SRBD1: variants seen among roughly 807,000 people sequenced by gnomAD.
SRBD1 encodes the protein S1 RNA binding domain 1, also known as S1 RNA-binding domain-containing protein 1.
Under a neutral mutation model 115.3 loss-of-function variants are expected in SRBD1, and 88 were observed. That is an observed-to-expected ratio of 0.76 (90% CI 0.64 to 0.91). The LOEUF (loss-of-function observed/expected upper bound fraction) is 0.91, where lower values mean the gene tolerates loss of function less well. Among genes scored for constraint, SRBD1 ranks in the 40% least tolerant of loss-of-function variants. The pLI is 0.00. For synonymous variants in SRBD1, 509 were observed against 407.7 expected (o/e 1.25, Z -2.99); for missense variants, 1,385 against 1,177.4 (o/e 1.18, Z -2.58).
At chr2:45,571,183 G>C (rs571505356) in intron 9 of SRBD1, among the ~76,000 whole-genome samples, 2 of 152,168 alleles carry the variant, frequency 1.3e-5, no homozygotes, top group South Asian at 4.1e-4. Context: ...GCCTCACTAA[G>C]TGTTGAAGGA....
chr2:45,560,437 A>T (rs373990786), intron 10 of SRBD1, among the ~76,000 whole-genome samples: 77 of 152,348 alleles, frequency 5.1e-4, no homozygotes, highest in African/African-American at 1.7e-3. Flanking sequence ...CAATAATCCC[A>T]CTACTTTGTA....
At chr2:45,489,279 C>T (rs1670220632) in intron 14 of SRBD1, among the ~76,000 whole-genome samples, 1 of 152,164 alleles carries the variant, frequency 6.6e-6, no homozygotes, top group Non-Finnish European at 1.5e-5. Flanking sequence ...TTTTAATTCA[C>T]TCTTAGCAAC....
intron 4 of SRBD1, among the ~76,000 whole-genome samples, chr2:45,586,703 C>T (rs1446695303): frequency 1.3e-5 from 2 of 151,214 alleles, no homozygotes; most frequent in Admixed American, 6.6e-5. Context: ...GCCATCACAC[C>T]TGGCTAATTT....
chr2:45,562,169 A>AT (rs561707721), intron 10 of SRBD1, among the ~76,000 whole-genome samples: 97 of 151,992 alleles, frequency 6.4e-4, no homozygotes, highest in African/African-American at 2.2e-3. Context: ...TTATTTTATT[A>AT]TTTTTTTTAA....
At chr2:45,521,396 T>C (rs1201764547) in intron 14 of SRBD1, among the ~76,000 whole-genome samples, 1 of 150,974 alleles carries the variant, frequency 6.6e-6, no homozygotes, top group Admixed American at 6.6e-5. Context: ...AATAAGCACA[T>C]TAAAAGATGT....
chr2:45,423,850 A>G (rs780501227), intron 16 of SRBD1, among the ~76,000 whole-genome samples: 1 of 152,162 alleles, frequency 6.6e-6, no homozygotes, highest in Non-Finnish European at 1.5e-5. Flanking sequence ...CATACACGAC[A>G]TACATATAAT....
At chr2:45,459,650 T>G (rs1669256077) in intron 16 of SRBD1, among the ~76,000 whole-genome samples, 1 of 152,188 alleles carries the variant, frequency 6.6e-6, no homozygotes, top group South Asian at 2.1e-4. Flanking sequence ...GTGAAAACAC[T>G]TTCACATATG....
intron 4 of SRBD1, among the ~76,000 whole-genome samples, chr2:45,592,027 T>A (rs774596882): frequency 6.6e-6 from 1 of 152,096 alleles, no homozygotes; most frequent in East Asian, 1.9e-4. Context: ...TGGGGGCCAG[T>A]CTCTCCTGTG....
At chr2:45,482,507 A>T (rs534024853) in intron 15 of SRBD1, among the ~76,000 whole-genome samples, 24 of 152,184 alleles carry the variant, frequency 1.6e-4, no homozygotes, top group African/African-American at 5.8e-4. Flanking sequence ...AATTGTAGTT[A>T]TAAGTTAATA....
chr2:45,585,599 G>A lies in SRBD1; in HGVS notation c.815+9C>T, dbSNP rs771594151. The A allele has an allele frequency of 6.2e-7, 1 of 1,602,518 alleles. No individual in the cohort carries two copies. The highest frequency in any genetic ancestry group is 8.5e-7 in the Non-Finnish European group (1 of 1,176,720). The stretch of plus-strand genomic sequence containing the variant: ...TTACACTAGGCTTATTCTTTTTTAG[G>A]TTTCTTACCGTAGCTCTTCTAGGGT... On this transcript the variant is annotated intron_variant, in intron 5 of 20. Transcript: ENST00000263736.
chr2:45,536,696 A>G (rs181886215), intron 14 of SRBD1, among the ~76,000 whole-genome samples: 1 of 152,274 alleles, frequency 6.6e-6, no homozygotes, highest in Admixed American at 6.5e-5. Flanking sequence ...CTGGAAGAGT[A>G]CATTTGTCCA....
intron 5 of SRBD1, among the ~76,000 whole-genome samples, chr2:45,584,261 T>G (rs1358611965): frequency 2.0e-5 from 3 of 152,344 alleles, no homozygotes; most frequent in Middle Eastern, 3.4e-3. Flanking sequence ...AGTAATCTAC[T>G]GGAGACGAGC....
At chr2:45,577,420 C>T (rs1435722688) in intron 7 of SRBD1, among the ~76,000 whole-genome samples, 1 of 152,148 alleles carries the variant, frequency 6.6e-6, no homozygotes, top group African/African-American at 2.4e-5. Context: ...GAAATCTTCC[C>T]AGCTACAGAA....
chr2:45,607,967 G>A (rs1286890178), intron 1 of SRBD1, among the ~76,000 whole-genome samples: 2 of 152,132 alleles, frequency 1.3e-5, no homozygotes, highest in African/African-American at 4.8e-5. Context: ...AAAACTTGAA[G>A]GTGCTAAGCT....
intron 16 of SRBD1, among the ~76,000 whole-genome samples, chr2:45,450,193 A>T (rs1668951701): frequency 6.6e-6 from 1 of 152,186 alleles, no homozygotes; most frequent in African/African-American, 2.4e-5. Flanking sequence ...GAAAAATTAA[A>T]GATTATCACT....
chr2:45,480,022 A>G (rs1669913180), intron 15 of SRBD1, among the ~76,000 whole-genome samples: 1 of 152,176 alleles, frequency 6.6e-6, no homozygotes, highest in Non-Finnish European at 1.5e-5. Context: ...GCACGATGGC[A>G]CATATGTTTA....
intron 15 of SRBD1, among the ~76,000 whole-genome samples, chr2:45,481,272 C>T (rs1395951927): frequency 6.6e-6 from 1 of 152,110 alleles, no homozygotes; most frequent in Admixed American, 6.6e-5. Context: ...AGAGATGGTG[C>T]TACTTTCCTG....
chr2:45,540,745 T>C (rs1558464730), intron 14 of SRBD1, among the ~76,000 whole-genome samples: 1 of 152,202 alleles, frequency 6.6e-6, no homozygotes, highest in African/African-American at 2.4e-5. Flanking sequence ...GATACATGGA[T>C]GGCAAATAAG....
At chr2:45,400,395 A>T (rs1400370824) in intron 19 of SRBD1, among the ~76,000 whole-genome samples, 2 of 152,134 alleles carry the variant, frequency 1.3e-5, no homozygotes, top group Middle Eastern at 3.2e-3. Context: ...GAAGAGGCTG[A>T]AGCAAGCACA....
Sources: gnomAD v4.1 joint callset for allele counts (sites outside exome capture counted in the v4.1 genomes callset) on GRCh38, gnomAD v4.1.1 for gene constraint, MANE v1.5 for transcripts, NCBI Gene and HGNC (gene_info 2026-07-23, HGNC 2026-07-21) for gene names.